The following TMEM181 variants were observed in gnomAD, a reference collection of about 807,000 sequenced individuals.
TMEM181 encodes G protein-coupled receptor 178.
A neutral mutation model predicts 71.9 loss-of-function variants in TMEM181; 39 were observed. That is an observed-to-expected ratio of 0.54 (90% confidence interval 0.42 to 0.71). TMEM181 has a LOEUF of 0.71. Ranked by LOEUF, TMEM181 falls within the 30% of genes least tolerant of loss-of-function variation. The probability of loss-of-function intolerance (pLI) is 0.00; values close to 1 mark genes in which losing one functional copy is unlikely to be tolerated. For synonymous variants in TMEM181, 245 were observed against 228.8 expected, an observed-to-expected ratio of 1.07 and a Z score of -0.64; for missense variants, 595 against 583.0, an observed-to-expected ratio of 1.02 and a Z score of -0.21.
intron 1 of TMEM181, among the ~76,000 whole-genome samples, chr6:158,540,451 A>G (rs1781299732): frequency 6.6e-6 from 1 of 152,224 alleles, no homozygotes; most frequent in Admixed American, 6.5e-5. Context: ...TAATACTCCT[A>G]AACTGGAAAG....
intron 1 of TMEM181, among the ~76,000 whole-genome samples, chr6:158,567,295 G>A (rs139768129): frequency 3.4e-4 from 52 of 152,292 alleles, no homozygotes; most frequent in East Asian, 2.1e-3. Context: ...ATGCTGACCC[G>A]GCTGGGCAGG....
At chr6:158,595,514 A>G (rs1784340799) in intron 6 of TMEM181, among the ~76,000 whole-genome samples, 7 of 152,266 alleles carry the variant, frequency 4.6e-5, no homozygotes, top group Admixed American at 3.9e-4. Context: ...GCAATTCTTA[A>G]TAGCCAAACT....
chr6:158,566,768 A>ATGGGG, intron 1 of TMEM181, among the ~76,000 whole-genome samples: 1 of 151,682 alleles, frequency 6.6e-6, no homozygotes, highest in East Asian at 1.9e-4. Context: ...GAGGGAGGTG[A>ATGGGG]TGATGAGGCT....
At chr6:158,537,852 G>T (rs1199195308) in intron 1 of TMEM181, among the ~76,000 whole-genome samples, 5 of 152,156 alleles carry the variant, frequency 3.3e-5, no homozygotes, top group African/African-American at 9.7e-5. Context: ...CTCAGAAAAA[G>T]GCGTGTCACA....
chr6:158,629,022 GA>G (rs1288494116), intron 14 of TMEM181, among the ~76,000 whole-genome samples: 1 of 152,222 alleles, frequency 6.6e-6, no homozygotes, highest in Non-Finnish European at 1.5e-5. Flanking sequence ...GAAGAGCTCA[GA>G]AAATACTGGG....
chr6:158,608,646 T>C lies in TMEM181; in HGVS notation c.805-13T>C. The C allele has an allele frequency of 1.3e-6, 2 of 1,599,354 alleles. No homozygotes were observed. The highest frequency in any genetic ancestry group is 1.7e-6 in the Non-Finnish European group (2 of 1,176,068). On this transcript the variant is annotated splice_polypyrimidine_tract_variant and intron_variant, in intron 9 of 16. Coordinates refer to ENST00000684151, the MANE Select transcript of TMEM181 (RefSeq NM_001376852.1). ...TTTTCTTTATTTCTTACTTCTTATT[T>C]TTTTCTTTTTAGGGAGAAAGAAAGT...
At chr6:158,571,971 C>G (rs1782876220) in intron 1 of TMEM181, among the ~76,000 whole-genome samples, 1 of 152,242 alleles carries the variant, frequency 6.6e-6, no homozygotes, top group East Asian at 1.9e-4. Context: ...CCTTCCCCAG[C>G]TCTCTTGTCT....
intron 1 of TMEM181, 69 bp downstream of exon 1, chr6:158,560,301 TGGCTCCCG>T: frequency 6.1e-6 from 6 of 984,496 alleles, no homozygotes; most frequent in Non-Finnish European, 7.2e-6. Context: ...TGGGGATCCC[TGGCTCCCG>T]GCGCCGTGCC....
At chr6:158,571,804 A>T (rs1213370580) in intron 1 of TMEM181, among the ~76,000 whole-genome samples, 1 of 152,210 alleles carries the variant, frequency 6.6e-6, no homozygotes. Context: ...TGCAGAGGGC[A>T]GGGCTGCAGC....
chr6:158,553,754 C>T (rs1781788733), intron 1 of TMEM181, among the ~76,000 whole-genome samples: 1 of 152,066 alleles, frequency 6.6e-6, no homozygotes, highest in African/African-American at 2.4e-5. Context: ...TAAAGACATT[C>T]TTAAGTCACA....
chr6:158,616,328 T>G (rs1280427533), intron 10 of TMEM181, among the ~76,000 whole-genome samples: 1 of 152,228 alleles, frequency 6.6e-6, no homozygotes, highest in Non-Finnish European at 1.5e-5. Context: ...TTTTGCACAT[T>G]GATTTTGTAT....
At chr6:158,578,906 G>A (rs1248749697) in intron 2 of TMEM181, among the ~76,000 whole-genome samples, 1 of 152,258 alleles carries the variant, frequency 6.6e-6, no homozygotes, top group Non-Finnish European at 1.5e-5. Flanking sequence ...GTTATGCCAT[G>A]CAAATAGCAC....
At chr6:158,624,154 T>C (rs1786132793) in intron 11 of TMEM181, among the ~76,000 whole-genome samples, 1 of 152,210 alleles carries the variant, frequency 6.6e-6, no homozygotes, top group Admixed American at 6.5e-5. Flanking sequence ...GGTCGGCTGC[T>C]CTTCCTTCCC....
chr6:158,590,539 C>T (rs1413773695), intron 6 of TMEM181, among the ~76,000 whole-genome samples: 1 of 152,184 alleles, frequency 6.6e-6, no homozygotes, highest in Non-Finnish European at 1.5e-5. Flanking sequence ...TCTCGGCTCA[C>T]TGCAACCTCC....
chr6:158,625,228 G>A (rs746281654), intron 12 of TMEM181, 22 bp downstream of exon 12: 9 of 1,603,924 alleles, frequency 5.6e-6, no homozygotes, highest in African/African-American at 2.7e-5. Flanking sequence ...TTTCAGAATC[G>A]GTGCAGGGGT....
At chr6:158,623,979 C>T (rs72577513) in intron 11 of TMEM181, among the ~76,000 whole-genome samples, 28,723 of 152,162 alleles carry the variant, frequency 0.19, 3,688 homozygotes, top group East Asian at 0.65. Flanking sequence ...CCAGACTGTT[C>T]TCAAACTCCT....
At chr6:158,597,077 G>T (rs567502179) in intron 6 of TMEM181, among the ~76,000 whole-genome samples, 1 of 152,272 alleles carries the variant, frequency 6.6e-6, no homozygotes, top group South Asian at 2.1e-4. Flanking sequence ...TGTCTAGATG[G>T]TCGATGGCCC....
intron 10 of TMEM181, among the ~76,000 whole-genome samples, chr6:158,612,242 A>G (rs1244950212): frequency 2.0e-5 from 3 of 152,222 alleles, no homozygotes; most frequent in Non-Finnish European, 4.4e-5. Flanking sequence ...GAAGTTAGAA[A>G]GGGAGCTGGA....
intron 1 of TMEM181, among the ~76,000 whole-genome samples, chr6:158,569,766 A>G (rs1250880602): frequency 6.6e-6 from 1 of 152,002 alleles, no homozygotes; most frequent in Non-Finnish European, 1.5e-5. Context: ...ACACCTGGCT[A>G]AGTTTTGTAT....
Sources: gnomAD v4.1 joint callset for allele counts (sites outside exome capture counted in the v4.1 genomes callset) on GRCh38, gnomAD v4.1.1 for gene constraint, MANE v1.5 for transcripts, NCBI Gene and HGNC (gene_info 2026-07-23, HGNC 2026-07-21) for gene names.